The following MEI4 variants were observed in gnomAD, a reference collection of about 807,000 sequenced individuals.
MEI4 encodes meiotic double-stranded break formation protein 4.
In MEI4, 27 loss-of-function variants were observed where a neutral mutation model predicts 31.4. The ratio of observed to expected loss-of-function variants is 0.86; its 90% confidence interval spans 0.63 to 1.19. The LOEUF (loss-of-function observed/expected upper bound fraction) is 1.19. MEI4 is among the 50% of genes most tolerant of loss of function. The pLI is 0.00. For missense variants in MEI4, 329 were observed against 398.9 expected (o/e 0.82, Z 1.49); for synonymous variants, 122 against 145.4 (o/e 0.84, Z 1.16).
At chr6:77,747,292 A>G (rs542613935) in intron 2 of MEI4, among the ~76,000 whole-genome samples, 1 of 152,260 alleles carries the variant, frequency 6.6e-6, no homozygotes, top group Admixed American at 6.5e-5. Flanking sequence ...AGCCTAGGCA[A>G]CAGAGCAAGA....
intron 4 of MEI4, among the ~76,000 whole-genome samples, chr6:77,867,460 G>GA (rs1473381285): frequency 6.6e-6 from 1 of 152,140 alleles, no homozygotes; most frequent in East Asian, 1.9e-4. Context: ...AAAGATACAT[G>GA]AAAAAATGCT....
chr6:77,882,687 A>G (rs1771517966), intron 4 of MEI4, among the ~76,000 whole-genome samples: 1 of 152,150 alleles, frequency 6.6e-6, no homozygotes, highest in African/African-American at 2.4e-5. Flanking sequence ...TCTACCAGGA[A>G]GGGTTTTGTG....
intron 2 of MEI4, among the ~76,000 whole-genome samples, chr6:77,701,229 C>A (rs1766215202): frequency 6.6e-6 from 1 of 152,008 alleles, no homozygotes; most frequent in African/African-American, 2.4e-5. Flanking sequence ...TTAATGTTGG[C>A]AAGGATTTAG....
chr6:77,747,706 A>T (rs762183966), intron 2 of MEI4, among the ~76,000 whole-genome samples: 22 of 152,166 alleles, frequency 1.4e-4, no homozygotes, highest in Non-Finnish European at 3.1e-4. Context: ...TATTCTTCTC[A>T]CATTTTAAAA....
chr6:77,652,661 G>A (rs1161958097), upstream of MEI4, among the ~76,000 whole-genome samples: 2 of 152,092 alleles, frequency 1.3e-5, no homozygotes, highest in East Asian at 1.9e-4. Flanking sequence ...TGAGGAGACC[G>A]TTATCCAGTA....
Position 77,828,969 on chromosome 6 carries a change from C to G in MEI4, c.807C>G (p.Thr269=). ...VQHYVSQSLV[T]LGNCSLLRKS... ...ATTATGTCTCTCAGAGTCTGGTTACCTTGGGAAATTGCAGCTTGTTGAGAA... is the reference window on the plus strand; with the variant it reads ...ATTATGTCTCTCAGAGTCTGGTTACGTTGGGAAATTGCAGCTTGTTGAGAA... Residue 269 remains threonine (T), a synonymous_variant, in exon 4 of 5, where the codon ACC becomes ACG. Coordinates refer to ENST00000684080, the MANE Select transcript of MEI4 (RefSeq NM_001322247.2). 8.1e-7 allele frequency: 1 copy of G among 1,232,160 alleles called. No homozygotes were observed. Among genetic ancestry groups the G allele is most frequent in the Non-Finnish European group, 1.0e-6 (1 of 987,856 alleles). The allele number at this position is 1,232,160 out of a possible 1,614,324, so 76.3% of individuals were successfully genotyped here.
chr6:77,811,224 C>G (rs1012554616), intron 3 of MEI4, among the ~76,000 whole-genome samples: 2 of 152,120 alleles, frequency 1.3e-5, no homozygotes, highest in African/African-American at 2.4e-5. Flanking sequence ...TGAGTCCTGA[C>G]TTCATCATTT....
chr6:77,889,707 C>A (rs982125164), intron 4 of MEI4, among the ~76,000 whole-genome samples: 5 of 152,200 alleles, frequency 3.3e-5, no homozygotes, highest in Non-Finnish European at 7.3e-5. Flanking sequence ...ATCATGGCAG[C>A]CACTCCCATC....
chr6:77,743,069 T>C (rs1480058758), intron 2 of MEI4, among the ~76,000 whole-genome samples: 5 of 152,146 alleles, frequency 3.3e-5, no homozygotes, highest in Admixed American at 2.0e-4. Flanking sequence ...CCTCCAGCTT[T>C]GTTCTTTTGG....
intron 2 of MEI4, among the ~76,000 whole-genome samples, chr6:77,732,720 A>G (rs1433644838): frequency 6.6e-6 from 1 of 152,044 alleles, no homozygotes; most frequent in Non-Finnish European, 1.5e-5. Context: ...TTCAAAGGGA[A>G]TGCTTCCAGT....
At chr6:77,920,590 T>C (rs141610809) in intron 4 of MEI4, among the ~76,000 whole-genome samples, 333 of 152,056 alleles carry the variant, frequency 2.2e-3, no homozygotes, top group African/African-American at 7.3e-3. Context: ...TCTAGAATGG[T>C]GAATCCCTTC....
chr6:77,904,885 T>C (rs563538329), intron 4 of MEI4, among the ~76,000 whole-genome samples: 5 of 152,164 alleles, frequency 3.3e-5, no homozygotes, highest in South Asian at 2.1e-4. Flanking sequence ...TATTATTATT[T>C]TTAGTATTTT....
chr6:77,657,464 A>G (rs1768418382), intron 1 of MEI4, among the ~76,000 whole-genome samples: 2 of 131,780 alleles, frequency 1.5e-5, no homozygotes, highest in African/African-American at 3.0e-5. Context: ...TTTCACAAAC[A>G]TCTTTTAGAG....
At chr6:77,783,247 C>T (rs1403643675) in intron 3 of MEI4, among the ~76,000 whole-genome samples, 3 of 152,110 alleles carry the variant, frequency 2.0e-5, no homozygotes, top group Non-Finnish European at 2.9e-5. Flanking sequence ...TGCAGGTGAG[C>T]ATATATATGG....
chr6:77,714,212 T>C (rs1033339890), intron 2 of MEI4, among the ~76,000 whole-genome samples: 1 of 149,852 alleles, frequency 6.7e-6, no homozygotes, highest in Non-Finnish European at 1.5e-5. Context: ...ATGACACAAG[T>C]TTACCTATGT....
intron 3 of MEI4, among the ~76,000 whole-genome samples, chr6:77,768,182 C>A (rs1768221315): frequency 6.6e-6 from 1 of 152,070 alleles, no homozygotes; most frequent in African/African-American, 2.4e-5. Context: ...GTATATGATG[C>A]TGAATATTTT....
intron 3 of MEI4, among the ~76,000 whole-genome samples, chr6:77,798,812 G>A (rs1224533934): frequency 1.3e-5 from 2 of 151,868 alleles, no homozygotes; most frequent in African/African-American, 4.8e-5. Context: ...TCCCTACAAA[G>A]GACATGAACT....
chr6:77,734,399 C>G (rs1306606898), intron 2 of MEI4, among the ~76,000 whole-genome samples: 1 of 152,016 alleles, frequency 6.6e-6, no homozygotes, highest in Non-Finnish European at 1.5e-5. Flanking sequence ...TAATGGCCTT[C>G]TTTGTGTCTT....
intron 2 of MEI4, among the ~76,000 whole-genome samples, chr6:77,757,083 G>A (rs1003056304): frequency 1.3e-5 from 2 of 152,184 alleles, no homozygotes; most frequent in Non-Finnish European, 2.9e-5. Flanking sequence ...CTTGTTCACT[G>A]TGTGGCTCTT....
Sources: gnomAD v4.1 joint callset for allele counts (sites outside exome capture counted in the v4.1 genomes callset) on GRCh38, gnomAD v4.1.1 for gene constraint, MANE v1.5 for transcripts, NCBI Gene and HGNC (gene_info 2026-07-23, HGNC 2026-07-21) for gene names.